The following GARNL3 variants were observed in gnomAD, a reference collection of about 807,000 sequenced individuals.
The protein encoded by GARNL3 is GTPase activating Rap/RanGAP domain like 3.
A neutral mutation model predicts 125.0 loss-of-function variants in GARNL3; 63 were observed. That is an observed-to-expected ratio of 0.50 (90% CI 0.41 to 0.62). The LOEUF (loss-of-function observed/expected upper bound fraction) is 0.62, where lower values mean the gene tolerates loss of function less well. Among genes scored for constraint, GARNL3 ranks in the 20% least tolerant of loss-of-function variants. The probability of loss-of-function intolerance (pLI) is 0.00; values close to 1 mark genes in which losing one functional copy is unlikely to be tolerated. For missense variants in GARNL3, 994 were observed against 1,244.0 expected (o/e 0.80, Z 3.02); for synonymous variants, 439 against 457.5 (o/e 0.96, Z 0.52).
chr9:127,354,428 TA>T lies in GARNL3; in HGVS notation c.1759+19del. 2 of 1,445,500 alleles carry T rather than the reference TA, an allele frequency of 1.4e-6. No homozygotes were observed. Among genetic ancestry groups the T allele is most frequent in the Non-Finnish European group, 1.9e-6 (2 of 1,041,596 alleles). The allele number at this position is 1,445,500 out of a possible 1,614,324, so 89.5% of individuals were successfully genotyped here. ...AACAAAAGGTGACTTGATAGATTGG[TA>T]GATTCCATTCGATTCGTTTTTTTTT... On this transcript the variant is annotated intron_variant, in intron 19 of 27. Transcript: ENST00000373387.
chr9:127,277,242 T>TG (rs1349702570), intron 1 of GARNL3, among the ~76,000 whole-genome samples: 3 of 152,106 alleles, frequency 2.0e-5, no homozygotes, highest in African/African-American at 7.2e-5. Flanking sequence ...TTTAGACTCT[T>TG]GAAGAAATAC....
intron 1 of GARNL3, among the ~76,000 whole-genome samples, chr9:127,238,458 C>G (rs1477881811): frequency 6.6e-6 from 1 of 152,176 alleles, no homozygotes; most frequent in African/African-American, 2.4e-5. Flanking sequence ...CAAGGCACAC[C>G]TAGGGCTTGG....
chr9:127,334,006 A>G (rs1048510465), intron 9 of GARNL3, among the ~76,000 whole-genome samples: 23 of 152,118 alleles, frequency 1.5e-4, no homozygotes, highest in Non-Finnish European at 5.9e-5. Flanking sequence ...CATAGGTCAG[A>G]AGGGAGACAG....
intron 25 of GARNL3, chr9:127,388,388 A>C (rs1832662142): frequency 1.9e-5 from 3 of 155,344 alleles, no homozygotes; most frequent in Admixed American, 1.9e-4. Flanking sequence ...TTGCAACAGC[A>C]GTTATTTTTC....
intron 8 of GARNL3, among the ~76,000 whole-genome samples, chr9:127,332,743 A>G (rs925104443): frequency 6.6e-6 from 1 of 152,214 alleles, no homozygotes; most frequent in African/African-American, 2.4e-5. Flanking sequence ...GAACGCAAGC[A>G]GTAATAACAT....
chr9:127,367,700 G>A (rs1167905786), intron 22 of GARNL3, among the ~76,000 whole-genome samples: 9 of 152,190 alleles, frequency 5.9e-5, no homozygotes, highest in Non-Finnish European at 1.2e-4. Context: ...TCAGTGCTAA[G>A]GGCAAACTCT....
At chr9:127,377,701 C>T (rs1831996048) in intron 22 of GARNL3, among the ~76,000 whole-genome samples, 1 of 150,310 alleles carries the variant, frequency 6.7e-6, no homozygotes, top group Admixed American at 6.6e-5. Flanking sequence ...GCAGGGGAAT[C>T]GCTTGAACTC....
At chr9:127,354,470 A>T in intron 19 of GARNL3, 60 bp downstream of exon 19, 1 of 968,052 alleles carries the variant, frequency 1.0e-6, no homozygotes, top group Non-Finnish European at 1.6e-6. Context: ...CAGGCTGCCC[A>T]GGTTTTACTG....
intron 1 of GARNL3, among the ~76,000 whole-genome samples, chr9:127,279,165 G>T (rs1207867676): frequency 2.0e-5 from 3 of 151,860 alleles, no homozygotes; most frequent in African/African-American, 7.3e-5. Context: ...CTTTCTTGGT[G>T]ACCTTTCCTG....
chr9:127,264,873 T>G lies in GARNL3; in HGVS notation c.-5T>G, dbSNP rs1161606186. ...AAGTCTGTTCCATAGCAGCCCTTTT[T>G]GCAAATGGTAGTTGATTTTTGCAGA... On this transcript the variant is annotated 5_prime_UTR_variant, in exon 1 of 28. Transcript: ENST00000373387. The G allele has an allele frequency of 6.3e-7, 1 of 1,574,916 alleles. No homozygotes were observed. Among genetic ancestry groups the G allele is most frequent in the South Asian group, 1.2e-5 (1 of 85,736 alleles).
rs190513400 is a variant in GARNL3 at position 127,251,945 on chromosome 9, T to C, written c.143+8696T>C. The stretch of plus-strand genomic sequence containing the variant: ...CAACACTTATCATCAGAGATGGAGA[T>C]AGAGATGAGACAAACCCTACTAAAT... On this transcript the variant is annotated intron_variant, in intron 2 of 10. Transcript: ENST00000439286. 3.3e-4 allele frequency among the ~76,000 whole-genome samples: 51 copies of C among 152,286 alleles called. 1 individual carries two copies. Among genetic ancestry groups the C allele is most frequent in the Admixed American group, 2.2e-3 (34 of 15,298 alleles).
intron 22 of GARNL3, among the ~76,000 whole-genome samples, chr9:127,381,507 TTACCTC>T (rs1832255080): frequency 6.6e-6 from 1 of 152,202 alleles, no homozygotes; most frequent in Non-Finnish European, 1.5e-5. Context: ...ACTACCATCT[TTACCTC>T]TACCCTCTGT....
intron 1 of GARNL3, among the ~76,000 whole-genome samples, chr9:127,279,771 AT>A (rs2064056757): frequency 6.6e-6 from 1 of 151,176 alleles, no homozygotes; most frequent in African/African-American, 2.4e-5. Context: ...TTTTGTTTTC[AT>A]TTTTGTTTTA....
intron 16 of GARNL3, among the ~76,000 whole-genome samples, chr9:127,347,188 G>A (rs1326701157): frequency 1.3e-5 from 2 of 152,148 alleles, no homozygotes; most frequent in African/African-American, 2.4e-5. Flanking sequence ...GGGAGGTTGA[G>A]GCCGGAGGAC....
chr9:127,279,940 G>C (rs1262364528), intron 1 of GARNL3, among the ~76,000 whole-genome samples: 4 of 152,090 alleles, frequency 2.6e-5, no homozygotes, highest in African/African-American at 9.7e-5. Flanking sequence ...AATTTCCAGG[G>C]TCTAGTTGGT....
chr9:127,353,959 C>A lies in GARNL3; in HGVS notation c.1642+15C>A, dbSNP rs147040690. 6 of 1,556,708 alleles carry A rather than the reference C, an allele frequency of 3.9e-6. No homozygotes were observed. The South Asian group carries it at 5.6e-5, about 14-fold the overall frequency. ...AGCAGACAAAGGTGGTATTCCCTGC[C>A]GGGTGGCATGCTGTGGAGGAAGGAA... On this transcript the variant is annotated intron_variant, in intron 18 of 27. Coordinates refer to ENST00000373387, the MANE Select transcript of GARNL3 (RefSeq NM_032293.5).
At chr9:127,239,025 C>T (rs2063158911) in intron 1 of GARNL3, among the ~76,000 whole-genome samples, 2 of 152,158 alleles carry the variant, frequency 1.3e-5, no homozygotes, top group African/African-American at 4.8e-5. Flanking sequence ...GCCATCTCTT[C>T]TTACCAGTCC....
Position 127,354,402 on chromosome 9 carries a change from A to G in GARNL3, c.1751A>G (p.Lys584Arg). The G allele has an allele frequency of 6.2e-7, 1 of 1,601,106 alleles. No homozygotes were observed. Among genetic ancestry groups the G allele is most frequent in the Non-Finnish European group, 8.6e-7 (1 of 1,168,892 alleles). Reference sequence around the variant, plus strand: ...GACTGCAGAGAAAACAAGTTGGAGAAAACAAAAGGTGACTTGATAGATTGG... The same window carrying G: ...GACTGCAGAGAAAACAAGTTGGAGAGAACAAAAGGTGACTTGATAGATTGG... Reference protein sequence around the residue: ...RSDCRENKLEKTKGCHLYAIN... With the variant: ...RSDCRENKLERTKGCHLYAIN... The change falls in exon 19 of 28, where the codon AAA (lysine) becomes AGA (arginine). Residue 584 changes from lysine to arginine, a missense_variant. Around this residue, in one of 5 missense-constraint regions of GARNL3, gnomAD observed 728 missense variants for 865.7 expected, o/e 0.84. Transcript: ENST00000373387.
chr9:127,381,119 C>T (rs1484961091), intron 22 of GARNL3, among the ~76,000 whole-genome samples: 1 of 117,608 alleles, frequency 8.5e-6, no homozygotes, highest in East Asian at 2.7e-4. Context: ...CCTCGTGATC[C>T]GCCCACCTCG....
Sources: allele counts gnomAD v4.1 joint callset (sites outside exome capture counted in the v4.1 genomes callset), GRCh38; gene constraint gnomAD v4.1.1; regional missense constraint gnomAD v4.1.1; transcripts MANE v1.5; gene names NCBI Gene and HGNC (gene_info 2026-07-23, HGNC 2026-07-21).